TPR: variants seen among roughly 807,000 people sequenced by gnomAD.
TPR encodes translocated promoter region, nuclear basket protein, also known as nucleoprotein TPR.
A neutral mutation model predicts 316.1 loss-of-function variants in TPR; 51 were observed. The ratio of observed to expected loss-of-function variants is 0.16; its 90% CI spans 0.13 to 0.20. The LOEUF (loss-of-function observed/expected upper bound fraction) is 0.20, where lower values mean the gene tolerates loss of function less well. TPR is among the 10% of genes least tolerant of loss of function. The probability of loss-of-function intolerance (pLI) is 1.00; values close to 1 mark genes in which losing one functional copy is unlikely to be tolerated. For missense variants in TPR, 2,272 were observed against 2,754.8 expected (o/e 0.82, Z 3.92); for synonymous variants, 981 against 914.7 (o/e 1.07, Z -1.31).
chr1:186,353,888 G>C (rs762640482), intron 17 of TPR, 38 bp from the exon 18 acceptor site: 9 of 1,589,384 alleles, frequency 5.7e-6, no homozygotes, highest in African/African-American at 1.3e-5. Flanking sequence ...TAACTGAAAT[G>C]ATATCCTAGC....
At chr1:186,341,435 G>T in intron 27 of TPR, 46 bp from the exon 28 acceptor site, 1 of 1,582,020 alleles carries the variant, frequency 6.3e-7, no homozygotes, top group Non-Finnish European at 8.6e-7. Flanking sequence ...AACAATAGTT[G>T]AAAGTCTACC....
In TPR at chr1:186,344,106, C is replaced by T; in HGVS notation, c.3418-16G>A. ...AAACTTCATCCTGCAAGCCAAGAGT[C>T]TATCAGAATAACAGATTTTCCAATG... is the stretch of plus-strand genomic sequence containing the variant. On this transcript the variant is annotated splice_polypyrimidine_tract_variant and intron_variant, in intron 25 of 50. Coordinates refer to ENST00000367478, the MANE Select transcript of TPR (RefSeq NM_003292.3). 6.2e-7 allele frequency: 1 copy of T among 1,604,966 alleles called. No individual in the cohort carries two copies. Among genetic ancestry groups the T allele is most frequent in the Non-Finnish European group, 8.5e-7 (1 of 1,176,704 alleles).
Position 186,332,353 on chromosome 1 carries a change from T to C in TPR, c.5456-10A>G, listed in dbSNP as rs1553228663. On this transcript the variant is annotated splice_polypyrimidine_tract_variant and intron_variant, in intron 37 of 50. Transcript: ENST00000367478. Reference sequence around the variant, plus strand: ...CTGGGGGTAGCCGAAACTTTGAAATTATATAAATCTTGAATTAGAGCATGA... The same window carrying C: ...CTGGGGGTAGCCGAAACTTTGAAATCATATAAATCTTGAATTAGAGCATGA... The C allele has an allele frequency of 6.2e-7, 1 of 1,610,746 alleles. No homozygotes were observed. Among genetic ancestry groups the C allele is most frequent in the Non-Finnish European group, 8.5e-7 (1 of 1,178,634 alleles).
chr1:186,341,817 A>T (rs1181241215), intron 27 of TPR: 1 of 162,078 alleles, frequency 6.2e-6, no homozygotes, highest in South Asian at 1.8e-4. Flanking sequence ...TTACTGAATT[A>T]TCTGTGAAGA....
intron 35 of TPR, among the ~76,000 whole-genome samples, 178 bp downstream of exon 35, chr1:186,334,890 G>C (rs989648435): frequency 1.3e-5 from 2 of 151,800 alleles, no homozygotes; most frequent in Admixed American, 6.6e-5. Flanking sequence ...TGATAGGACT[G>C]AAAGTATGGT....
chr1:186,327,315 A>T (rs1258967712), intron 40 of TPR, 145 bp downstream of exon 40: 6 of 86,266 alleles, frequency 7.0e-5, no homozygotes, highest in Non-Finnish European at 1.3e-4. Flanking sequence ...TAATATATTA[A>T]ATATATAATA....
chr1:186,357,430 C>G lies in TPR; in HGVS notation c.1691G>C (p.Arg564Thr). ...AGTTGTTTCTTGTTCTTCTCTTTCTCTGGTTTCCCCAAGCTCTCTAAGGGC... is the reference window on the plus strand; with the variant it reads ...AGTTGTTTCTTGTTCTTCTCTTTCTGTGGTTTCCCCAAGCTCTCTAAGGGC... ...LVALRELGET[R>T]EREEQETTSS... is the part of the protein sequence containing the mutation. Residue 564 changes from arginine (R) to threonine (T), a missense_variant, in exon 14 of 51, where the codon AGA (arginine) becomes ACA (threonine). Around this residue, in one of 10 missense-constraint regions of TPR, gnomAD observed 757 missense variants for 859.8 expected, o/e 0.88. Coordinates refer to ENST00000367478, the MANE Select transcript of TPR (RefSeq NM_003292.3). 1.2e-6 allele frequency: 2 copies of G among 1,613,982 alleles called. No individual in the cohort carries two copies. Among genetic ancestry groups the G allele is most frequent in the African/African-American group, 2.7e-5 (2 of 74,970 alleles).
At position 186,343,472 on chromosome 1, in the gene TPR, A is replaced by G; in HGVS notation, c.3604T>C (p.Phe1202Leu). 6.2e-7 allele frequency: 1 copy of G among 1,609,624 alleles called. No individual in the cohort carries two copies. The highest frequency in any genetic ancestry group is 8.5e-7 in the Non-Finnish European group (1 of 1,178,908). The change falls in exon 27 of 51, where the codon TTT becomes CTT. Residue 1202 changes from phenylalanine (F) to leucine (L), a missense_variant and splice_region_variant. Phe to Leu is a conservative substitution (Grantham distance 22, BLOSUM62 0). Around this residue, in one of 10 missense-constraint regions of TPR, gnomAD observed 757 missense variants for 859.8 expected, o/e 0.88. Coordinates refer to ENST00000367478, the MANE Select transcript of TPR (RefSeq NM_003292.3). The part of the protein sequence containing the change: ...SQEQILEILR[F>L]IRREKEIAET... ...GCAATTTCTTTTTCTCGTCGTATAA[A>G]TCTACAAAAATACAGATATTAAAAT...
chr1:186,367,803 G>T, intron 4 of TPR, 83 bp downstream of exon 4: 1 of 926,100 alleles, frequency 1.1e-6, no homozygotes, highest in Non-Finnish European at 1.6e-6. Context: ...ATCAGCAACA[G>T]AAATGGGCTG....
intron 45 of TPR, among the ~76,000 whole-genome samples, chr1:186,321,186 T>C (rs997880289): frequency 5.9e-5 from 9 of 152,186 alleles, no homozygotes; most frequent in African/African-American, 2.2e-4. Context: ...CTGAAATTGA[T>C]TGGCTGGTTT....
At chr1:186,374,213 C>T (rs920969969) in intron 1 of TPR, among the ~76,000 whole-genome samples, 15 of 151,908 alleles carry the variant, frequency 9.9e-5, no homozygotes, top group Non-Finnish European at 2.1e-4. Flanking sequence ...TGACTATATT[C>T]TTCATATTTT....
At chr1:186,373,599 T>C in intron 1 of TPR, 136 bp from the exon 2 acceptor site, 1 of 502,574 alleles carries the variant, frequency 2.0e-6, no homozygotes, top group East Asian at 3.0e-5. Context: ...CATAAGAGAA[T>C]CTGAGTAAAG....
At chr1:186,317,621 A>T in intron 48 of TPR, 21 bp from the exon 49 acceptor site, 1 of 1,598,790 alleles carries the variant, frequency 6.3e-7, no homozygotes, top group Non-Finnish European at 8.6e-7. Context: ...GAAAAATGAG[A>T]AAATACAAAA....
chr1:186,341,457 G>C, intron 27 of TPR, 68 bp from the exon 28 acceptor site: 1 of 1,475,522 alleles, frequency 6.8e-7, no homozygotes, highest in Non-Finnish European at 9.1e-7. Context: ...GTTCCTATGA[G>C]CTCAAATCCT....
At chr1:186,314,327 G>A (rs577119475) in intron 50 of TPR, 2 of 389,242 alleles carry the variant, frequency 5.1e-6, no homozygotes, top group Non-Finnish European at 9.1e-6. Flanking sequence ...AATGGCAATA[G>A]GTAGAGATAC....
At chr1:186,358,484 C>T (rs1659090716) in intron 13 of TPR, 59 bp downstream of exon 13, 2 of 1,338,980 alleles carry the variant, frequency 1.5e-6, no homozygotes, top group African/African-American at 2.9e-5. Context: ...CAAACAGATT[C>T]AAAGATTACT....
Position 186,343,228 on chromosome 1 carries a change from C to T in TPR, c.3750+98G>A, listed in dbSNP as rs1225671057. The T allele has an allele frequency of 6.2e-6, 9 of 1,450,052 alleles. No individual in the cohort carries two copies. In the Admixed American group the frequency reaches 1.8e-4, roughly 29 times the overall value. 89.8% of individuals were successfully genotyped at this position (1,450,052 alleles called of 1,614,324 possible). ...ATTTACAAGTTTAGAAGAATGCTTACTTCAAGTTAAATTTTACATTACGTT... is the reference window on the plus strand; with the variant it reads ...ATTTACAAGTTTAGAAGAATGCTTATTTCAAGTTAAATTTTACATTACGTT... On this transcript the variant is annotated intron_variant, in intron 27 of 50. Transcript: ENST00000367478.
chr1:186,325,867 C>A lies in TPR; in HGVS notation c.6022-13G>T. Reference sequence around the variant, plus strand: ...TCCCATCACCACCCTAAAAACAAAACGTGGTAACATAATGCTCAAATAAAA... The same window carrying A: ...TCCCATCACCACCCTAAAAACAAAAAGTGGTAACATAATGCTCAAATAAAA... On this transcript the variant is annotated splice_polypyrimidine_tract_variant and intron_variant, in intron 41 of 50. Transcript: ENST00000367478. 6.2e-7 allele frequency: 1 copy of A among 1,610,678 alleles called. No homozygotes were observed. Among genetic ancestry groups the A allele is most frequent in the Non-Finnish European group, 8.5e-7 (1 of 1,178,248 alleles).
At chr1:186,323,259 G>T (rs2102053906) in intron 43 of TPR, among the ~76,000 whole-genome samples, 1 of 152,252 alleles carries the variant, frequency 6.6e-6, no homozygotes, top group Non-Finnish European at 1.5e-5. Flanking sequence ...TAAAATATGT[G>T]ATTACCAAGA....
Sources: allele counts gnomAD v4.1 joint callset (sites outside exome capture counted in the v4.1 genomes callset), GRCh38; gene constraint gnomAD v4.1.1; regional missense constraint gnomAD v4.1.1; transcripts MANE v1.5; gene names NCBI Gene and HGNC (gene_info 2026-07-23, HGNC 2026-07-21).